Variants in RAPGEF4 observed in about 807,000 individuals in gnomAD.
RAPGEF4 encodes RAP guanine-nucleotide-exchange factor (GEF) 4.
A neutral mutation model predicts 147.9 loss-of-function variants in RAPGEF4; 66 were observed. That is an observed-to-expected ratio of 0.45 (90% CI 0.37 to 0.55). The LOEUF (loss-of-function observed/expected upper bound fraction) is 0.55. Among genes scored for constraint, RAPGEF4 ranks in the 20% least tolerant of loss-of-function variants. The pLI is 0.00. For synonymous variants in RAPGEF4, 419 were observed against 442.7 expected, an observed-to-expected ratio of 0.95 and a Z score of 0.67; for missense variants, 1,071 against 1,257.3, an observed-to-expected ratio of 0.85 and a Z score of 2.24.
intron 6 of RAPGEF4, among the ~76,000 whole-genome samples, chr2:172,945,905 A>G (rs1687630631): frequency 6.6e-6 from 1 of 152,210 alleles, no homozygotes; most frequent in South Asian, 2.1e-4. Flanking sequence ...CTTCAATGCA[A>G]GCTTCACAAT....
chr2:172,961,770 C>T (rs1359455891), intron 8 of RAPGEF4, among the ~76,000 whole-genome samples: 1 of 152,178 alleles, frequency 6.6e-6, no homozygotes, highest in Non-Finnish European at 1.5e-5. Context: ...TCATTTCATT[C>T]AGTCAGTCAT....
intron 4 of RAPGEF4, among the ~76,000 whole-genome samples, chr2:172,833,616 C>A (rs913601809): frequency 6.6e-6 from 1 of 152,066 alleles, no homozygotes; most frequent in South Asian, 2.1e-4. Context: ...GTTCAGTACT[C>A]TATTGGGTTG....
At position 173,014,521 on chromosome 2, in the gene RAPGEF4, C is replaced by A. The variant is rs1451570454; in HGVS notation, c.1716C>A (p.Asn572Lys). ...TEQEKMDYALNNKRRVIRLVL... is the reference protein window; with the variant it reads ...TEQEKMDYALKNKRRVIRLVL... ...AGGAGAAAATGGATTATGCCCTCAACAATAAGAGGCGAGTCATCCGCCTGG... is the reference window on the plus strand; with the variant it reads ...AGGAGAAAATGGATTATGCCCTCAAAAATAAGAGGCGAGTCATCCGCCTGG... Residue 572 changes from asparagine to lysine, a missense_variant, in exon 18 of 31, where the codon AAC becomes AAA. Asn to Lys is a moderately conservative substitution (Grantham distance 94, BLOSUM62 0). Transcript: ENST00000397081. 1.2e-6 allele frequency: 2 copies of A among 1,614,142 alleles called. No individual in the cohort carries two copies. Among genetic ancestry groups the A allele is most frequent in the Non-Finnish European group, 1.7e-6 (2 of 1,180,012 alleles).
At chr2:172,867,698 T>C (rs967607229) in intron 4 of RAPGEF4, among the ~76,000 whole-genome samples, 1 of 152,240 alleles carries the variant, frequency 6.6e-6, no homozygotes. Flanking sequence ...ATAATTAAAA[T>C]GTGGTGAAAG....
At chr2:172,890,646 C>T (rs1015022261) in intron 4 of RAPGEF4, among the ~76,000 whole-genome samples, 2 of 152,166 alleles carry the variant, frequency 1.3e-5, no homozygotes, top group African/African-American at 4.8e-5. Context: ...CATCTTCAAA[C>T]CTAGACAGAC....
At chr2:172,863,062 C>T (rs186823116) in intron 4 of RAPGEF4, among the ~76,000 whole-genome samples, 21 of 152,010 alleles carry the variant, frequency 1.4e-4, no homozygotes, top group African/African-American at 4.3e-4. Context: ...AAATATATTT[C>T]AAAAGGGAAC....
intron 4 of RAPGEF4, among the ~76,000 whole-genome samples, chr2:172,884,172 G>A (rs1696930006): frequency 6.6e-6 from 1 of 152,182 alleles, no homozygotes; most frequent in Non-Finnish European, 1.5e-5. Flanking sequence ...CTGTTAAAAT[G>A]TATGAGGTAG....
At chr2:172,994,358 G>A (rs191955104) in intron 15 of RAPGEF4, among the ~76,000 whole-genome samples, 1 of 152,308 alleles carries the variant, frequency 6.6e-6, no homozygotes, top group East Asian at 1.9e-4. Context: ...GGAGCGTCTT[G>A]CTGTACAAGC....
Position 172,831,266 on chromosome 2 carries a change from C to CTTTTTTTTTTTTTTTT in RAPGEF4, c.444+16845_444+16860dup, listed in dbSNP as rs71018521. ...AAATGTGACTGTTTCAGATAGAAAA[C>CTTTTTTTTTTTTTTTT]TTTTTTTTTTTTTTTTTTTGAGACA... On this transcript the variant is annotated intron_variant, in intron 4 of 30. Transcript: ENST00000397081. Among the ~76,000 whole-genome samples the CTTTTTTTTTTTTTTTT allele has an allele frequency of 7.9e-3, 426 of 53,846 alleles. 109 individuals carry two copies. The highest frequency in any genetic ancestry group is 0.024 in the East Asian group (38 of 1,604). The allele number at this position is 53,846 out of a possible 152,430, so 35.3% of individuals were successfully genotyped here.
At chr2:172,747,366 A>C (rs910499477) in intron 1 of RAPGEF4, among the ~76,000 whole-genome samples, 2 of 152,216 alleles carry the variant, frequency 1.3e-5, no homozygotes, top group Non-Finnish European at 2.9e-5. Flanking sequence ...AACACTTAAG[A>C]TCTACTCTCT....
intron 1 of RAPGEF4, among the ~76,000 whole-genome samples, chr2:172,753,900 A>C (rs540082282): frequency 8.6e-5 from 13 of 150,774 alleles, no homozygotes; most frequent in African/African-American, 3.2e-4. Context: ...ACACACACAC[A>C]CCCGACACAC....
At chr2:172,795,289 G>T in intron 2 of RAPGEF4, 122 bp downstream of exon 2, 1 of 984,514 alleles carries the variant, frequency 1.0e-6, no homozygotes, top group Non-Finnish European at 1.5e-6. Flanking sequence ...TCAACCAAAA[G>T]TATTAAGGTG....
chr2:172,878,692 A>G (rs1015067089), intron 4 of RAPGEF4, among the ~76,000 whole-genome samples: 1 of 152,224 alleles, frequency 6.6e-6, no homozygotes, highest in East Asian at 1.9e-4. Context: ...GCTAAAGTAA[A>G]GAACTCAAAA....
chr2:173,008,027 G>T (rs1355738639), intron 17 of RAPGEF4, among the ~76,000 whole-genome samples: 1 of 150,830 alleles, frequency 6.6e-6, no homozygotes, highest in Admixed American at 6.7e-5. Flanking sequence ...ATCCCCATGT[G>T]TTGGGGGCAG....
chr2:172,909,481 G>A (rs899507371), intron 4 of RAPGEF4, among the ~76,000 whole-genome samples: 12 of 152,302 alleles, frequency 7.9e-5, no homozygotes, highest in African/African-American at 2.9e-4. Context: ...ATGTTGTTAA[G>A]GTGTTAGAGT....
chr2:172,889,093 A>G (rs183434940), intron 4 of RAPGEF4, among the ~76,000 whole-genome samples: 3 of 152,354 alleles, frequency 2.0e-5, no homozygotes, highest in Non-Finnish European at 2.9e-5. Flanking sequence ...CTAATTTTAA[A>G]TAGTAGGAAA....
intron 10 of RAPGEF4, among the ~76,000 whole-genome samples, chr2:172,974,670 G>A (rs1387335521): frequency 6.6e-6 from 1 of 152,120 alleles, no homozygotes; most frequent in African/African-American, 2.4e-5. Context: ...GCAACAGAGT[G>A]AGACTCCATC....
chr2:172,981,001 T>A (rs993318887), intron 10 of RAPGEF4, among the ~76,000 whole-genome samples: 5 of 152,212 alleles, frequency 3.3e-5, no homozygotes, highest in South Asian at 2.1e-4. Context: ...ACAGATCTCA[T>A]ATTTATATTA....
At chr2:172,854,929 T>A (rs1182765017) in intron 4 of RAPGEF4, among the ~76,000 whole-genome samples, 6 of 152,184 alleles carry the variant, frequency 3.9e-5, no homozygotes, top group East Asian at 3.8e-4. Context: ...AAAAATTGCT[T>A]GTAAACAAGT....
Sources: gnomAD v4.1 joint callset for allele counts (sites outside exome capture counted in the v4.1 genomes callset) on GRCh38, gnomAD v4.1.1 for gene constraint, MANE v1.5 for transcripts, NCBI Gene and HGNC (gene_info 2026-07-23, HGNC 2026-07-21) for gene names.